The following MAP3K5 variants were observed in gnomAD, a reference collection of about 807,000 sequenced individuals.
MAP3K5 encodes the protein mitogen-activated protein kinase kinase kinase 5.
MAP3K5 carries 56 observed loss-of-function variants against 158.7 expected under a neutral mutation model. That is an observed-to-expected ratio of 0.35 (90% CI 0.28 to 0.44). The LOEUF (loss-of-function observed/expected upper bound fraction) is 0.44, where lower values mean the gene tolerates loss of function less well. Among genes scored for constraint, MAP3K5 ranks in the 20% least tolerant of loss-of-function variants. MAP3K5 has a pLI of 1.00. For missense variants in MAP3K5, 1,294 were observed against 1,674.8 expected (o/e 0.77, Z 3.97); for synonymous variants, 579 against 601.7 (o/e 0.96, Z 0.55).
intron 14 of MAP3K5, 51 bp downstream of exon 14, chr6:136,637,274 T>TA: frequency 7.0e-7 from 1 of 1,429,682 alleles, no homozygotes; most frequent in South Asian, 1.1e-5. Context: ...AGGCTTCAAA[T>TA]AGTTTGTTTT....
chr6:136,617,038 A>G (rs1288802100), intron 15 of MAP3K5, among the ~76,000 whole-genome samples: 1 of 152,110 alleles, frequency 6.6e-6, no homozygotes, highest in Admixed American at 6.6e-5. Context: ...TATTAATCAA[A>G]AGACTCCCAC....
At chr6:136,687,343 C>T (rs140956830) in intron 7 of MAP3K5, among the ~76,000 whole-genome samples, 100 of 152,258 alleles carry the variant, frequency 6.6e-4, no homozygotes, top group African/African-American at 2.2e-3. Context: ...CTAGGCAATA[C>T]CATGCAGGAC....
intron 1 of MAP3K5, among the ~76,000 whole-genome samples, chr6:136,777,461 C>G (rs1246342301): frequency 6.6e-6 from 1 of 152,148 alleles, no homozygotes; most frequent in African/African-American, 2.4e-5. Context: ...ATCCTACTGT[C>G]CATATTTGAA....
chr6:136,635,977 T>A (rs1481502237), intron 14 of MAP3K5, among the ~76,000 whole-genome samples: 1 of 152,180 alleles, frequency 6.6e-6, no homozygotes, highest in Non-Finnish European at 1.5e-5. Flanking sequence ...GTTTATGAGA[T>A]GACATTATCA....
At chr6:136,569,936 C>T (rs9389405) in intron 25 of MAP3K5, among the ~76,000 whole-genome samples, 29,535 of 152,078 alleles carry the variant, frequency 0.19, 3,309 homozygotes, top group East Asian at 0.37. Context: ...CCATATGCTT[C>T]GGCACATAGA....
At chr6:136,736,960 G>A (rs1172059580) in intron 1 of MAP3K5, among the ~76,000 whole-genome samples, 1 of 149,974 alleles carries the variant, frequency 6.7e-6, no homozygotes, top group African/African-American at 2.5e-5. Context: ...TTACAGGTAC[G>A]GATATGAGCC....
intron 1 of MAP3K5, among the ~76,000 whole-genome samples, chr6:136,741,944 G>A (rs989231634): frequency 6.6e-6 from 1 of 152,074 alleles, no homozygotes; most frequent in Admixed American, 6.6e-5. Flanking sequence ...ACCAAATACG[G>A]ATAAAAACTA....
chr6:136,659,748 G>A (rs1054479734), intron 8 of MAP3K5, among the ~76,000 whole-genome samples: 1 of 152,212 alleles, frequency 6.6e-6, no homozygotes, highest in South Asian at 2.1e-4. Context: ...AGTTTAACGT[G>A]TACAGAGTTT....
chr6:136,561,757 G>A, intron 27 of MAP3K5, 112 bp from the exon 28 acceptor site: 1 of 629,524 alleles, frequency 1.6e-6, no homozygotes, highest in East Asian at 2.8e-5. Context: ...CTCTATCAGA[G>A]AACAGTTCAT....
chr6:136,683,221 T>C (rs1041455612), intron 7 of MAP3K5, among the ~76,000 whole-genome samples: 1 of 152,214 alleles, frequency 6.6e-6, no homozygotes, highest in African/African-American at 2.4e-5. Context: ...CCCATCCTCT[T>C]TGCTAGTGAT....
intron 7 of MAP3K5, 38 bp downstream of exon 7, chr6:136,694,102 T>C: frequency 6.5e-7 from 1 of 1,533,038 alleles, no homozygotes; most frequent in Non-Finnish European, 8.9e-7. Context: ...GCCATGGATT[T>C]ACTAAGTAAG....
intron 7 of MAP3K5, among the ~76,000 whole-genome samples, chr6:136,676,940 C>T (rs545987823): frequency 8.0e-4 from 120 of 150,684 alleles, no homozygotes; most frequent in Non-Finnish European, 1.2e-3. Context: ...TACAGGTGCA[C>T]GCCACCACGC....
rs770073908 is a variant in MAP3K5 at position 136,622,969 on chromosome 6, A to C, written c.2029T>G (p.Tyr677Asp). The change falls in exon 15 of 30, where the codon TAT becomes GAT. Residue 677 changes from tyrosine to aspartate, a missense_variant. Transcript: ENST00000359015. ...ESDLLEYDYE[Y>D]DENGDRVVLG... ...ACGACTCTGTCACCATTTTCATCAT[A>C]TTCATAGTCATACTACAAAAGGAAA... 16 of 1,613,802 alleles carry C rather than the reference A, an allele frequency of 9.9e-6. No homozygotes were observed. The highest frequency in any genetic ancestry group is 1.4e-5 in the Non-Finnish European group (16 of 1,179,908).
chr6:136,592,912 T>C, intron 21 of MAP3K5: 1 of 443,214 alleles, frequency 2.3e-6, no homozygotes, highest in Non-Finnish European at 4.4e-6. Flanking sequence ...TCCCCTCATT[T>C]TTACTGACTA....
Position 136,659,253 on chromosome 6 carries a change from A to G in MAP3K5, c.1492T>C (p.Ser498Pro). ...ANDHMRVIQA[S>P]EKLFKLKTPA... ...GTCTTCAGTTTAAAAAGCTTTTCAG[A>G]TGCTTGAATGACTCTCATGTGGTCA... Residue 498 changes from serine (S) to proline (P), a missense_variant, in exon 9 of 30, where the codon TCT (serine) becomes CCT (proline). Coordinates refer to ENST00000359015, the MANE Select transcript of MAP3K5 (RefSeq NM_005923.4). 1 of 1,614,160 alleles carries G rather than the reference A, an allele frequency of 6.2e-7. No individual in the cohort carries two copies. The highest frequency in any genetic ancestry group is 8.5e-7 in the Non-Finnish European group (1 of 1,180,014).
rs896408388 is a variant in MAP3K5 at position 136,642,526 on chromosome 6, C to T, written c.1832G>A (p.Gly611Glu). ...EWNFSASSVRGVSISKFEERC... is the reference protein window; with the variant it reads ...EWNFSASSVREVSISKFEERC... Reference sequence around the variant, plus strand: ...ATGTACCAAGGAAACTTACCTCACTCCCCTGACAGAAGAGGCACTAAAATT... The same window carrying T: ...ATGTACCAAGGAAACTTACCTCACTTCCCTGACAGAAGAGGCACTAAAATT... Residue 611 changes from glycine (G) to glutamate (E), a missense_variant, in exon 12 of 30, where the codon GGA becomes GAA. This residue lies in a region of MAP3K5 where 690 missense variants were observed against 870.5 expected (regional missense o/e 0.79). Transcript: ENST00000359015. 2 of 1,609,278 alleles carry T rather than the reference C, an allele frequency of 1.2e-6. No homozygotes were observed. The highest frequency in any genetic ancestry group is 2.7e-5 in the African/African-American group (2 of 74,844).
intron 1 of MAP3K5, among the ~76,000 whole-genome samples, chr6:136,743,137 T>C (rs1782782071): frequency 6.6e-6 from 1 of 151,782 alleles, no homozygotes; most frequent in African/African-American, 2.4e-5. Flanking sequence ...TCATCTGTCA[T>C]CAGGGAATTG....
At chr6:136,697,929 G>T (rs1583436826) in intron 4 of MAP3K5, among the ~76,000 whole-genome samples, 1 of 152,272 alleles carries the variant, frequency 6.6e-6, no homozygotes, top group East Asian at 1.9e-4. Flanking sequence ...ATTTTTGGTA[G>T]AGACAGGGTT....
chr6:136,729,946 C>T (rs1205508020), intron 1 of MAP3K5, among the ~76,000 whole-genome samples: 3 of 152,112 alleles, frequency 2.0e-5, no homozygotes, highest in Non-Finnish European at 4.4e-5. Context: ...AATGATTTGC[C>T]ATTAACATAG....
Sources: gnomAD v4.1 joint callset for allele counts (sites outside exome capture counted in the v4.1 genomes callset) on GRCh38, gnomAD v4.1.1 for gene constraint, gnomAD v4.1.1 regional missense constraint, MANE v1.5 for transcripts, NCBI Gene and HGNC (gene_info 2026-07-23, HGNC 2026-07-21) for gene names.